Variants in PDLIM7 observed in about 807,000 individuals in gnomAD.
PDLIM7 encodes PDZ and LIM domain protein 7.
A neutral mutation model predicts 53.9 loss-of-function variants in PDLIM7; 37 were observed. That is an observed-to-expected ratio of 0.69 (90% CI 0.53 to 0.90). PDLIM7 has a LOEUF of 0.90. Ranked by LOEUF, PDLIM7 falls within the 40% of genes least tolerant of loss-of-function variation. The probability of loss-of-function intolerance (pLI) is 0.00; values close to 1 mark genes in which losing one functional copy is unlikely to be tolerated. For missense variants in PDLIM7, 617 were observed against 638.5 expected, an observed-to-expected ratio of 0.97 and a Z score of 0.36; for synonymous variants, 300 against 261.3, an observed-to-expected ratio of 1.15 and a Z score of -1.43.
chr5:177,484,527 G>C (rs371412060), intron 10 of PDLIM7: 1 of 276,060 alleles, frequency 3.6e-6, no homozygotes, highest in Admixed American at 4.9e-5. Flanking sequence ...AGGTCCACCA[G>C]GAAATCCAGT....
intron 4 of PDLIM7, 148 bp from the exon 5 acceptor site, chr5:177,492,073 A>C: frequency 3.2e-6 from 1 of 312,686 alleles, no homozygotes; most frequent in East Asian, 5.8e-5. Context: ...CTACGGGGAG[A>C]GGACGACTCA....
At chr5:177,490,431 G>A (rs1758689893) in intron 7 of PDLIM7, 2 of 1,525,942 alleles carry the variant, frequency 1.3e-6, no homozygotes, top group South Asian at 1.2e-5. Context: ...GGCACTAAGG[G>A]GGTGCCCTGG....
chr5:177,492,852 G>A (rs960364742), intron 2 of PDLIM7, 175 bp from the exon 3 acceptor site: 20 of 616,548 alleles, frequency 3.2e-5, no homozygotes, highest in South Asian at 1.2e-4. Context: ...AGGTGGTGGC[G>A]CTCACCTGAG....
At chr5:177,497,451 A>C (rs952789062) in intron 1 of PDLIM7, 77 bp downstream of exon 1, 4 of 152,154 alleles carry the variant, frequency 2.6e-5, no homozygotes, top group Admixed American at 1.3e-4. Flanking sequence ...CACGACCCCC[A>C]GTGCCCTTTG....
intron 10 of PDLIM7, chr5:177,484,711 C>G (rs186850321): frequency 2.4e-4 from 40 of 166,636 alleles, no homozygotes; most frequent in Non-Finnish European, 3.1e-4. Flanking sequence ...GCCTTCTCCC[C>G]CTGCATGAAA....
chr5:177,497,306 T>C (rs976846513), intron 1 of PDLIM7, among the ~76,000 whole-genome samples: 2 of 151,676 alleles, frequency 1.3e-5, no homozygotes, highest in Non-Finnish European at 2.9e-5. Context: ...CCGGGCCCCA[T>C]GCATTAGACT....
intron 8 of PDLIM7, 57 bp downstream of exon 8, chr5:177,489,714 C>A: frequency 6.7e-7 from 1 of 1,484,958 alleles, no homozygotes; most frequent in Non-Finnish European, 8.9e-7. Context: ...AGCCCACCAC[C>A]CCCATGCCCC....
chr5:177,492,075 G>A, intron 4 of PDLIM7, 150 bp from the exon 5 acceptor site: 2 of 467,478 alleles, frequency 4.3e-6, no homozygotes, highest in Non-Finnish European at 7.4e-6. Flanking sequence ...ACGGGGAGAG[G>A]ACGACTCAGG....
rs577463848 is a variant in PDLIM7 at position 177,484,292 on chromosome 5, C to A, written c.1051-102G>T. The A allele has an allele frequency of 1.6e-4, 233 of 1,424,804 alleles. 1 individual carries two copies. The highest frequency in any genetic ancestry group is 1.8e-4 in the Non-Finnish European group (192 of 1,040,762). 88.3% of individuals were successfully genotyped at this position (1,424,804 alleles called of 1,614,324 possible). On this transcript the variant is annotated intron_variant, in intron 10 of 12. Transcript: ENST00000355841. ...TGGCCGCAAGCCCTGTTCCTTCTCGCGGTAAACACTACATCTAACTGTTCA... is the reference window on the plus strand; with the variant it reads ...TGGCCGCAAGCCCTGTTCCTTCTCGAGGTAAACACTACATCTAACTGTTCA...
Position 177,489,633 on chromosome 5 carries a change from G to A in PDLIM7, c.635-6C>T, listed in dbSNP as rs370362296. On this transcript the variant is annotated splice_polypyrimidine_tract_variant and splice_region_variant and intron_variant, in intron 8 of 12. Transcript: ENST00000355841. ...AGGGCTGGGGGCGGTAGGGCCTGCCGGGGAAAGTGACTCTAAAGGGGTGCC... is the reference window on the plus strand; with the variant it reads ...AGGGCTGGGGGCGGTAGGGCCTGCCAGGGAAAGTGACTCTAAAGGGGTGCC... 317 of 1,578,456 alleles carry A rather than the reference G, an allele frequency of 2.0e-4. 7 individuals carry two copies. In the South Asian group the frequency reaches 2.7e-3, roughly 13 times the overall value.
intron 9 of PDLIM7, 63 bp from the exon 10 acceptor site, chr5:177,488,311 T>C: frequency 1.4e-6 from 2 of 1,405,898 alleles, no homozygotes; most frequent in Non-Finnish European, 1.9e-6. Flanking sequence ...TTGGCCCCCT[T>C]CAGGTTGACT....
At chr5:177,489,252 G>A in intron 9 of PDLIM7, 141 bp downstream of exon 9, 1 of 682,520 alleles carries the variant, frequency 1.5e-6, no homozygotes, top group Non-Finnish European at 2.5e-6. Flanking sequence ...GGAGGACCCA[G>A]CCCAGGTCCC....
At chr5:177,494,805 C>A (rs370822609) in intron 2 of PDLIM7, among the ~76,000 whole-genome samples, 1 of 152,098 alleles carries the variant, frequency 6.6e-6, no homozygotes, top group South Asian at 2.1e-4. Flanking sequence ...GCAGCCCAGC[C>A]CCCCAGTCCC....
At position 177,484,454 on chromosome 5, in the gene PDLIM7, G is replaced by A. The variant is rs578084050; in HGVS notation, c.1051-264C>T. On this transcript the variant is annotated intron_variant, in intron 10 of 12. Transcript: ENST00000355841. ...CCTCCCACAGCCATCCCCATCACGC[G>A]GATGGCAACTCCATTCTCCTGTCTG... 17 of 446,914 alleles carry A rather than the reference G, an allele frequency of 3.8e-5. No homozygotes were observed. The Middle Eastern group carries it at 1.8e-3, about 48-fold the overall frequency. 27.7% of individuals were successfully genotyped at this position (446,914 alleles called of 1,614,324 possible).
At chr5:177,484,352 T>G (rs1171453317) in intron 10 of PDLIM7, 162 bp from the exon 11 acceptor site, 3 of 807,940 alleles carry the variant, frequency 3.7e-6, no homozygotes, top group Non-Finnish European at 5.8e-6. Context: ...CTCCAAGGTC[T>G]CTGAGTGGAC....
At position 177,487,436 on chromosome 5, in the gene PDLIM7, C is replaced by T. The variant is rs1460579703; in HGVS notation, c.1050+632G>A. Among the ~76,000 whole-genome samples, 9 of 152,206 alleles carry T rather than the reference C, an allele frequency of 5.9e-5. No individual in the cohort carries two copies. The East Asian group carries it at 7.7e-4, about 13-fold the overall frequency. On this transcript the variant is annotated intron_variant, in intron 10 of 12. Coordinates refer to ENST00000355841, the MANE Select transcript of PDLIM7 (RefSeq NM_005451.5). ...GGCTCTGTCCCCTTTCTTCTCCTTCCGACTTCCTGCTGGCTGGAAGGTGAG... is the reference window on the plus strand; with the variant it reads ...GGCTCTGTCCCCTTTCTTCTCCTTCTGACTTCCTGCTGGCTGGAAGGTGAG...
chr5:177,490,452 C>CAGAAAGAGGG, intron 7 of PDLIM7: 1 of 1,537,190 alleles, frequency 6.5e-7, no homozygotes, highest in South Asian at 1.2e-5. Flanking sequence ...GCAGGAGGAA[C>CAGAAAGAGGG]AGAAAGAGGG....
rs1016373850 is a variant in PDLIM7, at chr5:177,483,999, A to G, written c.1172-17T>C. Reference sequence around the variant, plus strand: ...TCTCATAGTCTGAGAATGGGGGCAGAGAGAAAGAGGACCTGGATTCATGCC... The same window carrying G: ...TCTCATAGTCTGAGAATGGGGGCAGGGAGAAAGAGGACCTGGATTCATGCC... On this transcript the variant is annotated splice_polypyrimidine_tract_variant and intron_variant, in intron 11 of 12. Coordinates refer to ENST00000355841, the MANE Select transcript of PDLIM7 (RefSeq NM_005451.5). The G allele has an allele frequency of 6.2e-7, 1 of 1,613,588 alleles. No individual in the cohort carries two copies. Among genetic ancestry groups the G allele is most frequent in the Admixed American group, 1.7e-5 (1 of 59,998 alleles).
intron 10 of PDLIM7, among the ~76,000 whole-genome samples, chr5:177,486,738 A>G (rs1758469621): frequency 1.3e-5 from 2 of 151,894 alleles, no homozygotes; most frequent in Non-Finnish European, 2.9e-5. Context: ...TCCCAGGTTC[A>G]CGCCATTCTC....
Sources: gnomAD v4.1 joint callset for allele counts (sites outside exome capture counted in the v4.1 genomes callset) on GRCh38, gnomAD v4.1.1 for gene constraint, MANE v1.5 for transcripts, NCBI Gene and HGNC (gene_info 2026-07-23, HGNC 2026-07-21) for gene names.